Variants in KLHL32 observed in about 807,000 individuals in gnomAD.
The protein encoded by KLHL32 is kelch like family member 32.
A neutral mutation model predicts 64.8 loss-of-function variants in KLHL32; 35 were observed. The observed-to-expected ratio is 0.54, with a 90% CI of 0.41 to 0.72. The LOEUF is 0.72. Ranked by LOEUF, KLHL32 falls within the 30% of genes least tolerant of loss-of-function variation. KLHL32 has a pLI of 0.00. For missense variants in KLHL32, 589 were observed against 768.5 expected (o/e 0.77, Z 2.76); for synonymous variants, 259 against 281.0 (o/e 0.92, Z 0.78).
chr6:97,061,919 G>T (rs1788977853), intron 4 of KLHL32, among the ~76,000 whole-genome samples: 1 of 152,186 alleles, frequency 6.6e-6, no homozygotes, highest in Non-Finnish European at 1.5e-5. Flanking sequence ...CTCTGGTACA[G>T]TGAGGTTTGC....
chr6:97,014,876 T>G (rs1780929122), intron 3 of KLHL32, among the ~76,000 whole-genome samples: 1 of 152,220 alleles, frequency 6.6e-6, no homozygotes, highest in African/African-American at 2.4e-5. Flanking sequence ...TTAGGCTCTG[T>G]GTCCCCACCC....
chr6:97,135,596 A>G (rs1238686851), intron 10 of KLHL32, among the ~76,000 whole-genome samples: 1 of 152,042 alleles, frequency 6.6e-6, no homozygotes, highest in Non-Finnish European at 1.5e-5. Context: ...CTGCATCTGG[A>G]CGATTTGTTA....
chr6:96,996,008 G>C (rs982920879), intron 3 of KLHL32, among the ~76,000 whole-genome samples: 5 of 152,198 alleles, frequency 3.3e-5, no homozygotes. Flanking sequence ...AGAGAAATGA[G>C]GGGCCTCGAG....
chr6:96,967,201 C>T, intron 2 of KLHL32, 118 bp downstream of exon 2: 2 of 818,626 alleles, frequency 2.4e-6, no homozygotes, highest in South Asian at 1.9e-5. Context: ...AATCATCAAA[C>T]TAGTCAGAGC....
intron 3 of KLHL32, among the ~76,000 whole-genome samples, chr6:96,996,273 C>T (rs894559339): frequency 1.3e-5 from 2 of 152,174 alleles, no homozygotes; most frequent in South Asian, 2.1e-4. Context: ...TCAAATATGA[C>T]ATTTTGGAAA....
intron 5 of KLHL32, 41 bp downstream of exon 5, chr6:97,064,767 C>T (rs1179029658): frequency 1.3e-6 from 2 of 1,495,650 alleles, no homozygotes; most frequent in South Asian, 2.3e-5. Flanking sequence ...CTTCACATTC[C>T]TTTCCCCACA....
rs1800554263 is a variant in KLHL32, at chr6:97,140,391, A to G, written c.*1109A>G. On this transcript the variant is annotated 3_prime_UTR_variant, in exon 11 of 11. Transcript: ENST00000369261. ...AAGTTTTTCCACTTTGTTAAAGGTTATGTCAATCTTGAGTGCTTGTGGAAT... is the reference window on the plus strand; with the variant it reads ...AAGTTTTTCCACTTTGTTAAAGGTTGTGTCAATCTTGAGTGCTTGTGGAAT... The G allele has an allele frequency of 6.6e-6, 1 of 152,092 alleles. No homozygotes were observed. The highest frequency in any genetic ancestry group is 2.4e-5 in the African/African-American group (1 of 41,454). 9.4% of individuals were successfully genotyped at this position (152,092 alleles called of 1,614,324 possible).
At chr6:97,001,069 A>T (rs1778968006) in intron 3 of KLHL32, among the ~76,000 whole-genome samples, 1 of 152,248 alleles carries the variant, frequency 6.6e-6, no homozygotes, top group Non-Finnish European at 1.5e-5. Context: ...TTTTTAAAGC[A>T]GTGAAACTAT....
chr6:97,091,736 C>T (rs1054519024), intron 6 of KLHL32, among the ~76,000 whole-genome samples: 1 of 152,176 alleles, frequency 6.6e-6, no homozygotes, highest in African/African-American at 2.4e-5. Context: ...ATTGTTAACT[C>T]TCGATAGTTG....
intron 7 of KLHL32, among the ~76,000 whole-genome samples, chr6:97,120,542 C>T (rs1315826926): frequency 6.6e-6 from 1 of 152,196 alleles, no homozygotes; most frequent in Admixed American, 6.5e-5. Context: ...TCTGTGGATT[C>T]ACTCATGATG....
intron 10 of KLHL32, among the ~76,000 whole-genome samples, chr6:97,137,315 CAAGAG>C (rs1012306011): frequency 3.9e-5 from 6 of 152,048 alleles, no homozygotes; most frequent in African/African-American, 1.4e-4. Flanking sequence ...CATCAATTAA[CAAGAG>C]AACAGAGAAA....
chr6:96,963,174 C>T (rs1774066881), intron 1 of KLHL32, among the ~76,000 whole-genome samples: 1 of 152,064 alleles, frequency 6.6e-6, no homozygotes, highest in Admixed American at 6.6e-5. Context: ...GTGGGGGCAC[C>T]CAGTGATGAC....
chr6:96,988,431 A>G (rs959777006), intron 3 of KLHL32, among the ~76,000 whole-genome samples: 1 of 151,990 alleles, frequency 6.6e-6, no homozygotes, highest in Non-Finnish European at 1.5e-5. Flanking sequence ...TTAGAATGGC[A>G]ATCATTAAAA....
chr6:97,122,660 A>G (rs1440079571), intron 7 of KLHL32, among the ~76,000 whole-genome samples: 1 of 152,216 alleles, frequency 6.6e-6, no homozygotes, highest in Non-Finnish European at 1.5e-5. Flanking sequence ...TGGAAATGGT[A>G]AGAAATTTTT....
chr6:97,134,403 GAACA>G (rs1799771552), intron 10 of KLHL32, among the ~76,000 whole-genome samples: 3 of 152,160 alleles, frequency 2.0e-5, no homozygotes, highest in African/African-American at 7.2e-5. Flanking sequence ...AACAACAAAT[GAACA>G]AACTTTTCTC....
chr6:97,102,258 C>T (rs1795828672), intron 6 of KLHL32, among the ~76,000 whole-genome samples: 2 of 152,164 alleles, frequency 1.3e-5, no homozygotes, highest in Admixed American at 6.5e-5. Context: ...ATCAGGATTT[C>T]CCTGGCCATT....
intron 1 of KLHL32, among the ~76,000 whole-genome samples, chr6:96,953,766 G>C (rs1184331830): frequency 2.0e-5 from 3 of 149,808 alleles, no homozygotes; most frequent in African/African-American, 7.4e-5. Flanking sequence ...ATTTTTATAT[G>C]GTTATGACAA....
intron 1 of KLHL32, among the ~76,000 whole-genome samples, chr6:96,943,965 T>C (rs1771644637): frequency 6.6e-6 from 1 of 152,224 alleles, no homozygotes; most frequent in African/African-American, 2.4e-5. Context: ...TACAAAACTC[T>C]CAGGACATTA....
At position 97,140,358 on chromosome 6, in the gene KLHL32, T is replaced by G. The variant is rs550619826; in HGVS notation, c.*1076T>G. 2 of 152,232 alleles carry G rather than the reference T, an allele frequency of 1.3e-5. No homozygotes were observed. Among genetic ancestry groups the G allele is most frequent in the East Asian group, 3.9e-4 (2 of 5,186 alleles). 9.4% of individuals were successfully genotyped at this position (152,232 alleles called of 1,614,324 possible). On this transcript the variant is annotated 3_prime_UTR_variant, in exon 11 of 11. Coordinates refer to ENST00000369261, the MANE Select transcript of KLHL32 (RefSeq NM_052904.4). ...TAAATTTGAACCTAGAATTGGCAGT[T>G]CTAATAAAAGTTTTTCCACTTTGTT...
Sources: allele counts gnomAD v4.1 joint callset (sites outside exome capture counted in the v4.1 genomes callset), GRCh38; gene constraint gnomAD v4.1.1; transcripts MANE v1.5; gene names NCBI Gene and HGNC (gene_info 2026-07-23, HGNC 2026-07-21).